The following FHIT variants were observed in gnomAD, a reference collection of about 807,000 sequenced individuals.
FHIT encodes the protein fragile histidine triad diadenosine triphosphatase.
FHIT carries 19 observed loss-of-function variants against 17.9 expected under a neutral mutation model. That is an observed-to-expected ratio of 1.06 (90% CI 0.74 to 1.56). FHIT has a LOEUF of 1.56. Ranked by LOEUF, FHIT falls within the 40% of genes most tolerant of loss-of-function variation. FHIT has a pLI of 0.00. For synonymous variants in FHIT, 81 were observed against 69.7 expected (o/e 1.16, Z -0.81); for missense variants, 248 against 189.2 (o/e 1.31, Z -1.82).
chr3:60,883,832 T>C (rs1461623512), intron 3 of FHIT, among the ~76,000 whole-genome samples: 2 of 151,850 alleles, frequency 1.3e-5, no homozygotes, highest in African/African-American at 2.4e-5. Flanking sequence ...ACCTCAAATA[T>C]AAAGGCAACA....
chr3:60,813,485 G>A (rs138220567), intron 4 of FHIT, among the ~76,000 whole-genome samples: 445 of 152,078 alleles, frequency 2.9e-3, no homozygotes, highest in African/African-American at 9.6e-3. Flanking sequence ...AATTTTGAAG[G>A]CATCCAACTT....
At chr3:59,878,741 T>C (rs9311733) in intron 8 of FHIT, among the ~76,000 whole-genome samples, 15,261 of 152,212 alleles carry the variant, frequency 0.1, 2,491 homozygotes, top group African/African-American at 0.34. Context: ...CTCATAGTTA[T>C]TGACGAGCGT....
chr3:61,214,030 AC>A, intron 1 of FHIT, among the ~76,000 whole-genome samples: 1 of 152,326 alleles, frequency 6.6e-6, no homozygotes, highest in South Asian at 2.1e-4. Flanking sequence ...AATTTATAGC[AC>A]TAAATGCCCA....
At chr3:60,389,739 G>A (rs946385940) in intron 5 of FHIT, among the ~76,000 whole-genome samples, 1 of 152,202 alleles carries the variant, frequency 6.6e-6, no homozygotes, top group African/African-American at 2.4e-5. Context: ...GTTCACTTAA[G>A]TAAACACATT....
intron 2 of FHIT, among the ~76,000 whole-genome samples, chr3:61,161,513 T>C (rs374441412): frequency 6.6e-6 from 1 of 152,342 alleles, no homozygotes; most frequent in South Asian, 2.1e-4. Flanking sequence ...CAAATTGCTA[T>C]TTTTAAGAGA....
chr3:60,419,259 G>A (rs1407435007), intron 5 of FHIT, among the ~76,000 whole-genome samples: 1 of 152,176 alleles, frequency 6.6e-6, no homozygotes, highest in South Asian at 2.1e-4. Context: ...TTTAATAGCC[G>A]TATAGCACAT....
At chr3:60,175,835 A>G (rs1701644895) in intron 5 of FHIT, among the ~76,000 whole-genome samples, 1 of 152,132 alleles carries the variant, frequency 6.6e-6, no homozygotes, top group Non-Finnish European at 1.5e-5. Flanking sequence ...AGTGGGTTTC[A>G]TTACTGTTAA....
chr3:61,067,889 AAAGT>A (rs1432119309), intron 2 of FHIT, among the ~76,000 whole-genome samples: 1 of 152,200 alleles, frequency 6.6e-6, no homozygotes, highest in Non-Finnish European at 1.5e-5. Context: ...ACCTGCAACA[AAAGT>A]AAGAAATGCA....
At chr3:60,150,802 C>T (rs2107329832) in intron 5 of FHIT, among the ~76,000 whole-genome samples, 1 of 152,018 alleles carries the variant, frequency 6.6e-6, no homozygotes, top group East Asian at 1.9e-4. Context: ...GCCTGTAGTC[C>T]CAGCTACTTG....
intron 5 of FHIT, among the ~76,000 whole-genome samples, chr3:60,276,328 C>T (rs1044665541): frequency 6.6e-6 from 1 of 152,124 alleles, no homozygotes; most frequent in South Asian, 2.1e-4. Context: ...CTTCTGGAGA[C>T]AGAGGAAGTC....
intron 5 of FHIT, among the ~76,000 whole-genome samples, chr3:60,260,798 G>A (rs1302183193): frequency 6.6e-6 from 1 of 151,940 alleles, no homozygotes; most frequent in Non-Finnish European, 1.5e-5. Flanking sequence ...AAAGAAGCTG[G>A]CCAAAACCCA....
At chr3:60,138,715 G>A (rs1374026943) in intron 5 of FHIT, among the ~76,000 whole-genome samples, 4 of 151,980 alleles carry the variant, frequency 2.6e-5, no homozygotes, top group Admixed American at 2.6e-4. Flanking sequence ...TGGGGAATGG[G>A]GTGCTTCAAA....
chr3:60,617,760 A>T (rs1220289412), intron 4 of FHIT: 1 of 154,148 alleles, frequency 6.5e-6, no homozygotes, highest in Non-Finnish European at 1.4e-5. Flanking sequence ...AAAGTTATCC[A>T]GATGTGATCT....
At chr3:60,184,393 C>A (rs1284566440) in intron 5 of FHIT, among the ~76,000 whole-genome samples, 4 of 151,992 alleles carry the variant, frequency 2.6e-5, no homozygotes, top group African/African-American at 9.7e-5. Context: ...TTTATGAGAC[C>A]TTTACTGTTT....
chr3:60,649,391 G>A lies in FHIT; in HGVS notation c.-17-112412C>T, dbSNP rs144618611. On this transcript the variant is annotated intron_variant, in intron 4 of 9. Transcript: ENST00000492590. ...CACTCCAGCCTGGGTGACAGAGCGA[G>A]AGTCCATCTCAAAAAAACAAAACAA... 7.4e-3 allele frequency among the ~76,000 whole-genome samples: 1,122 copies of A among 152,234 alleles called. 15 individuals carry two copies. The highest frequency in any genetic ancestry group is 0.025 in the African/African-American group (1,051 of 41,528).
rs141600341 is a variant in FHIT at position 60,529,820 on chromosome 3, T to A, written c.103+7040A>T. 9.2e-5 allele frequency among the ~76,000 whole-genome samples: 14 copies of A among 152,280 alleles called. 1 individual carries two copies. Among genetic ancestry groups the A allele is most frequent in the Middle Eastern group, 6.8e-3 (2 of 294 alleles). ...AGAAATATTTGAAGTGTTGTCTAGA[T>A]ACATATAATTATCATTCTACCATTC... On this transcript the variant is annotated intron_variant, in intron 5 of 9. Transcript: ENST00000492590.
intron 8 of FHIT, among the ~76,000 whole-genome samples, chr3:59,757,346 A>T (rs1156670613): frequency 6.6e-6 from 1 of 152,230 alleles, no homozygotes; most frequent in African/African-American, 2.4e-5. Context: ...ATCTTCAGTC[A>T]TCCCACTTTA....
At chr3:60,879,441 A>T (rs1326268597) in intron 3 of FHIT, among the ~76,000 whole-genome samples, 1 of 152,248 alleles carries the variant, frequency 6.6e-6, no homozygotes, top group African/African-American at 2.4e-5. Context: ...AAGCCACTCT[A>T]GAAAGTCTGG....
intron 5 of FHIT, among the ~76,000 whole-genome samples, chr3:60,442,799 A>G (rs967069541): frequency 6.6e-6 from 1 of 152,092 alleles, no homozygotes; most frequent in Non-Finnish European, 1.5e-5. Flanking sequence ...ATTTTTTCCA[A>G]TTCTGTGAAG....
Sources: allele counts gnomAD v4.1 joint callset (sites outside exome capture counted in the v4.1 genomes callset), GRCh38; gene constraint gnomAD v4.1.1; transcripts MANE v1.5; gene names NCBI Gene and HGNC (gene_info 2026-07-23, HGNC 2026-07-21).